PANX1: variants seen among roughly 807,000 people sequenced by gnomAD.
PANX1 encodes the protein pannexin-1.
PANX1 carries 30 observed loss-of-function variants against 38.7 expected under a neutral mutation model. The observed-to-expected ratio is 0.78, with a 90% CI of 0.58 to 1.05. The LOEUF (loss-of-function observed/expected upper bound fraction) is 1.05. PANX1 is among the 50% of genes least tolerant of loss of function. PANX1 has a pLI of 0.00. For missense variants in PANX1, 551 were observed against 517.2 expected, an observed-to-expected ratio of 1.07 and a Z score of -0.63; for synonymous variants, 230 against 212.2, an observed-to-expected ratio of 1.08 and a Z score of -0.73.
chr11:94,161,945 C>T (rs1467862104), intron 2 of PANX1, among the ~76,000 whole-genome samples: 1 of 152,198 alleles, frequency 6.6e-6, no homozygotes, highest in Non-Finnish European at 1.5e-5. Context: ...ACAGTCAGCA[C>T]CCTCAGCTGC....
chr11:94,148,903 T>C (rs574402006), intron 1 of PANX1, among the ~76,000 whole-genome samples: 8 of 152,168 alleles, frequency 5.3e-5, no homozygotes, highest in Non-Finnish European at 1.2e-4. Context: ...TGATTTTCTT[T>C]AATAATTTAT....
chr11:94,175,412 C>T lies in PANX1; in HGVS notation c.322-2957C>T, dbSNP rs540718798. 1.1e-4 allele frequency among the ~76,000 whole-genome samples: 17 copies of T among 151,836 alleles called. 1 individual carries two copies. The highest frequency in any genetic ancestry group is 3.9e-4 in the African/African-American group (16 of 41,132). Reference sequence around the variant, plus strand: ...GTTTTTCTAATTACAATGAGCTGTGCTGAACTATTCATTGTACCACTTATT... The same window carrying T: ...GTTTTTCTAATTACAATGAGCTGTGTTGAACTATTCATTGTACCACTTATT... On this transcript the variant is annotated intron_variant, in intron 2 of 4. Coordinates refer to ENST00000227638, the MANE Select transcript of PANX1 (RefSeq NM_015368.4).
At chr11:94,159,997 T>C (rs997414873) in intron 2 of PANX1, among the ~76,000 whole-genome samples, 17 of 152,150 alleles carry the variant, frequency 1.1e-4, no homozygotes, top group Non-Finnish European at 1.6e-4. Context: ...CCAGTAGTCA[T>C]TCAGGAGCAG....
chr11:94,156,419 G>C (rs1309506807), intron 2 of PANX1, among the ~76,000 whole-genome samples: 1 of 152,162 alleles, frequency 6.6e-6, no homozygotes, highest in Non-Finnish European at 1.5e-5. Flanking sequence ...ACAAGGCTGG[G>C]GACAGAAATT....
chr11:94,142,869 C>T (rs73525500), intron 1 of PANX1, among the ~76,000 whole-genome samples: 3,966 of 152,324 alleles, frequency 0.026, 170 homozygotes, highest in African/African-American at 0.091. Context: ...CTGGGGAGGG[C>T]GTGCTCCTGG....
intron 2 of PANX1, among the ~76,000 whole-genome samples, chr11:94,159,489 T>C (rs1326407494): frequency 1.3e-5 from 2 of 152,202 alleles, no homozygotes; most frequent in Non-Finnish European, 2.9e-5. Flanking sequence ...TGGGAGGGTG[T>C]ATGTGTCGAG....
rs560854883 is a variant in PANX1 at position 94,140,855 on chromosome 11, C to G, written c.181+11362C>G. On this transcript the variant is annotated intron_variant, in intron 1 of 4. Coordinates refer to ENST00000227638, the MANE Select transcript of PANX1 (RefSeq NM_015368.4). The stretch of plus-strand genomic sequence containing the variant: ...AAACCCATTACATGTTCAGGTATAA[C>G]ATATTTTTATGAAAAATAATTATAA... 2.6e-3 allele frequency among the ~76,000 whole-genome samples: 399 copies of G among 152,244 alleles called. 1 individual carries two copies. The highest frequency in any genetic ancestry group is 9.1e-3 in the African/African-American group (376 of 41,546).
chr11:94,161,799 G>A (rs533470805), intron 2 of PANX1, among the ~76,000 whole-genome samples: 1 of 152,260 alleles, frequency 6.6e-6, no homozygotes, highest in Admixed American at 6.5e-5. Flanking sequence ...GAGGTGCTCT[G>A]ATTTTTAGTT....
chr11:94,157,051 A>G (rs1358709340), intron 2 of PANX1, among the ~76,000 whole-genome samples: 1 of 152,178 alleles, frequency 6.6e-6, no homozygotes, highest in Non-Finnish European at 1.5e-5. Context: ...TACAAAGGAC[A>G]TGAACTCATC....
At chr11:94,159,041 T>C (rs939354329) in intron 2 of PANX1, among the ~76,000 whole-genome samples, 2 of 152,232 alleles carry the variant, frequency 1.3e-5, no homozygotes, top group Admixed American at 6.5e-5. Flanking sequence ...GTTTATATGC[T>C]GGATTACATT....
At chr11:94,145,180 C>G (rs1946813393) in intron 1 of PANX1, among the ~76,000 whole-genome samples, 1 of 152,172 alleles carries the variant, frequency 6.6e-6, no homozygotes, top group East Asian at 1.9e-4. Flanking sequence ...GCCCCGCTTT[C>G]CCCTTGGCTT....
At chr11:94,139,649 G>C (rs912408698) in intron 1 of PANX1, among the ~76,000 whole-genome samples, 3 of 152,204 alleles carry the variant, frequency 2.0e-5, no homozygotes, top group African/African-American at 7.2e-5. Context: ...CCTCACGGGA[G>C]GGGAGAGGGC....
At chr11:94,151,144 A>G (rs73512255) in intron 1 of PANX1, among the ~76,000 whole-genome samples, 8,445 of 152,240 alleles carry the variant, frequency 0.055, 807 homozygotes, top group African/African-American at 0.19. Context: ...TGTCTAGTGA[A>G]TATGAGTTGG....
chr11:94,153,400 C>G, intron 1 of PANX1, 91 bp from the exon 2 acceptor site: 1 of 1,381,952 alleles, frequency 7.2e-7, no homozygotes, highest in Non-Finnish European at 1.0e-6. Flanking sequence ...CTGGTGCTCC[C>G]TAACTTAGAC....
Position 94,149,887 on chromosome 11 carries a change from T to A in PANX1, c.182-3604T>A, listed in dbSNP as rs117112106. Among the ~76,000 whole-genome samples the A allele has an allele frequency of 5.1e-3, 779 of 152,326 alleles. 3 individuals carry two copies. Among genetic ancestry groups the A allele is most frequent in the Admixed American group, 8.6e-3 (132 of 15,302 alleles). On this transcript the variant is annotated intron_variant, in intron 1 of 4. Coordinates refer to ENST00000227638, the MANE Select transcript of PANX1 (RefSeq NM_015368.4). ...TTCAAAGCACCAGACAGATGTTACT[T>A]GGTACACAATCGTGCATGAAGTTCA...
chr11:94,132,699 T>C (rs1185833911), intron 1 of PANX1, among the ~76,000 whole-genome samples: 2 of 152,146 alleles, frequency 1.3e-5, no homozygotes, highest in Non-Finnish European at 2.9e-5. Context: ...ATATAAGAAT[T>C]CATCTCTTTT....
In PANX1 at chr11:94,168,468, C is replaced by G. The variant is rs1947127304; in HGVS notation, c.322-9901C>G. On this transcript the variant is annotated intron_variant, in intron 2 of 4. Transcript: ENST00000227638. ...GGCAGGGAGAGCCACTTGGTAAGCACAGAGTGAGGGTTCTAATTAGGGAAC... is the reference window on the plus strand; with the variant it reads ...GGCAGGGAGAGCCACTTGGTAAGCAGAGAGTGAGGGTTCTAATTAGGGAAC... Among the ~76,000 whole-genome samples the G allele has an allele frequency of 1.3e-5, 2 of 150,658 alleles. 1 individual carries two copies. Among genetic ancestry groups the G allele is most frequent in the African/African-American group, 4.9e-5 (2 of 40,704 alleles).
rs1463010640 is a variant in PANX1 at position 94,179,809 on chromosome 11, G to T, written c.753G>T (p.Gly251=). 2 of 1,614,094 alleles carry T rather than the reference G, an allele frequency of 1.2e-6. No homozygotes were observed. Among genetic ancestry groups the T allele is most frequent in the Non-Finnish European group, 1.7e-6 (2 of 1,180,014 alleles). Residue 251 remains glycine (G), a synonymous_variant, in exon 4 of 5, where the codon GGG becomes GGT. Transcript: ENST00000227638. ...AGTTTGTGTGCAGCATCAAATCAGG[G>T]ATCCTGAGAAACGACAGCACCGTGC... The part of the protein sequence containing the change: ...SDEFVCSIKS[G]ILRNDSTVPD...
chr11:94,144,931 G>T (rs1024272218), intron 1 of PANX1, among the ~76,000 whole-genome samples: 1 of 152,140 alleles, frequency 6.6e-6, no homozygotes, highest in South Asian at 2.1e-4. Flanking sequence ...TTGAATGAGA[G>T]AATCTAATTC....
Sources: allele counts gnomAD v4.1 joint callset (sites outside exome capture counted in the v4.1 genomes callset), GRCh38; gene constraint gnomAD v4.1.1; transcripts MANE v1.5; gene names NCBI Gene and HGNC (gene_info 2026-07-23, HGNC 2026-07-21).